FBN1: variants seen among roughly 807,000 people sequenced by gnomAD.
The protein encoded by FBN1 is fibrillin-1.
A neutral mutation model predicts 365.1 loss-of-function variants in FBN1; 29 were observed. The ratio of observed to expected loss-of-function variants is 0.08; its 90% CI spans 0.06 to 0.11. FBN1 has a LOEUF of 0.11. Among genes scored for constraint, FBN1 ranks in the 10% least tolerant of loss-of-function variants. FBN1 has a pLI of 1.00. For missense variants in FBN1, 2,476 were observed against 3,703.2 expected (o/e 0.67, Z 8.60); for synonymous variants, 1,210 against 1,270.5 (o/e 0.95, Z 1.01).
At chr15:48,456,871 T>C (rs111986443) in intron 43 of FBN1, 109 bp from the exon 44 acceptor site, 34 of 1,083,516 alleles carry the variant, frequency 3.1e-5, no homozygotes, top group African/African-American at 1.2e-4. Context: ...TGTGTGTGTG[T>C]GCGTGCATGT....
intron 6 of FBN1, among the ~76,000 whole-genome samples, chr15:48,584,257 T>C (rs528194168): frequency 2.0e-5 from 3 of 152,300 alleles, no homozygotes; most frequent in African/African-American, 7.2e-5. Flanking sequence ...TAGGAAACTG[T>C]GCCTGAGAGA....
chr15:48,634,340 T>C (rs888741178), intron 2 of FBN1, among the ~76,000 whole-genome samples: 3 of 152,240 alleles, frequency 2.0e-5, no homozygotes, highest in Non-Finnish European at 4.4e-5. Context: ...CCAAGTGTCT[T>C]TCTTTTATGT....
rs771226686 is a variant in FBN1, at chr15:48,537,775, C to A, written c.572G>T (p.Ser191Ile). Residue 191 changes from serine (S) to isoleucine (I), a missense_variant, in exon 7 of 66, where the codon AGC becomes ATC. Physicochemically the swap from Ser to Ile is moderately radical, Grantham distance 142. Transcript: ENST00000316623. ...YRTGPCFTVISNQMCQGQLSG... is the reference protein window; with the variant it reads ...YRTGPCFTVIINQMCQGQLSG... ...GAGTTGTCCCTGGCACATCTGGTTG[C>A]TGATCACAGTAAAACATGGGCCTGT... The A allele has an allele frequency of 9.9e-6, 16 of 1,614,172 alleles. No homozygotes were observed. Among genetic ancestry groups the A allele is most frequent in the Non-Finnish European group, 1.4e-5 (16 of 1,180,022 alleles).
At chr15:48,496,320 C>A in intron 19 of FBN1, 95 bp from the exon 20 acceptor site, 3 of 1,522,722 alleles carry the variant, frequency 2.0e-6, no homozygotes, top group Non-Finnish European at 2.7e-6. Flanking sequence ...GTCATAACGA[C>A]GTGATCAATT....
chr15:48,429,206 A>T (rs894196313), intron 56 of FBN1, among the ~76,000 whole-genome samples: 1 of 152,238 alleles, frequency 6.6e-6, no homozygotes, highest in Non-Finnish European at 1.5e-5. Flanking sequence ...TGTGAATATC[A>T]GCATATGAAA....
At chr15:48,435,666 A>G (rs2043059850) in intron 53 of FBN1, among the ~76,000 whole-genome samples, 1 of 145,540 alleles carries the variant, frequency 6.9e-6, no homozygotes, top group East Asian at 2.0e-4. Context: ...GAGACCTAAA[A>G]TGTGTGTGTG....
chr15:48,548,224 C>G (rs979989613), intron 6 of FBN1, among the ~76,000 whole-genome samples: 2 of 152,130 alleles, frequency 1.3e-5, no homozygotes, highest in African/African-American at 4.8e-5. Flanking sequence ...ACTAATGGGA[C>G]AATCACATGG....
At chr15:48,546,786 G>A (rs1382348889) in intron 6 of FBN1, among the ~76,000 whole-genome samples, 2 of 152,138 alleles carry the variant, frequency 1.3e-5, no homozygotes. Flanking sequence ...GCATAGAAAG[G>A]GTGGAAGGCC....
intron 6 of FBN1, among the ~76,000 whole-genome samples, chr15:48,548,689 G>A (rs778770099): frequency 2.6e-5 from 4 of 152,158 alleles, no homozygotes; most frequent in Admixed American, 6.5e-5. Flanking sequence ...AGTTAGATAC[G>A]TTCGGAAAGT....
chr15:48,600,370 G>A (rs565063791), intron 4 of FBN1, 136 bp from the exon 5 acceptor site: 12 of 714,360 alleles, frequency 1.7e-5, no homozygotes, highest in Non-Finnish European at 2.8e-5. Flanking sequence ...ACCTGATAAT[G>A]ACCTAATTGA....
chr15:48,601,597 T>C (rs919834374), intron 4 of FBN1, among the ~76,000 whole-genome samples: 7 of 152,182 alleles, frequency 4.6e-5, no homozygotes, highest in Admixed American at 3.9e-4. Flanking sequence ...TCAGAGCAAA[T>C]AGAAGATTCC....
intron 46 of FBN1, 57 bp from the exon 47 acceptor site, chr15:48,446,879 C>T (rs914111832): frequency 1.8e-5 from 21 of 1,195,686 alleles, no homozygotes; most frequent in South Asian, 2.4e-5. Flanking sequence ...AGTGGTTACA[C>T]GGTTACAGTG....
At chr15:48,547,079 C>T (rs1487196141) in intron 6 of FBN1, among the ~76,000 whole-genome samples, 1 of 152,146 alleles carries the variant, frequency 6.6e-6, no homozygotes, top group Non-Finnish European at 1.5e-5. Context: ...AATCTTAATG[C>T]TATCAAAATG....
At chr15:48,470,442 T>A (rs528100998) in intron 36 of FBN1, among the ~76,000 whole-genome samples, 192 bp downstream of exon 36, 22 of 152,322 alleles carry the variant, frequency 1.4e-4, no homozygotes, top group South Asian at 1.2e-3. Context: ...CCTTCAATTG[T>A]CTTAGACTCT....
intron 60 of FBN1, 152 bp from the exon 61 acceptor site, chr15:48,422,220 G>A (rs2042949599): frequency 2.9e-6 from 2 of 682,430 alleles, no homozygotes; most frequent in South Asian, 1.5e-5. Context: ...GAGACACAGG[G>A]GGTAAAGATC....
intron 6 of FBN1, among the ~76,000 whole-genome samples, chr15:48,585,500 T>C (rs148729656): frequency 1.1e-3 from 173 of 152,384 alleles, no homozygotes; most frequent in Admixed American, 4.1e-3. Flanking sequence ...TAAATATTGT[T>C]GTCCAGAATG....
chr15:48,461,633 A>G (rs1237188026), intron 42 of FBN1, among the ~76,000 whole-genome samples: 1 of 152,178 alleles, frequency 6.6e-6, no homozygotes. Flanking sequence ...ATTTTTTACC[A>G]ACAGGTAAGT....
chr15:48,452,177 G>T (rs1476879929), intron 45 of FBN1, among the ~76,000 whole-genome samples: 1 of 152,194 alleles, frequency 6.6e-6, no homozygotes, highest in African/African-American at 2.4e-5. Flanking sequence ...ACCTTTCTGA[G>T]AGGGATTCTG....
At chr15:48,550,689 C>T (rs953438012) in intron 6 of FBN1, among the ~76,000 whole-genome samples, 21 of 152,232 alleles carry the variant, frequency 1.4e-4, no homozygotes, top group African/African-American at 5.1e-4. Context: ...GGTGCTGTTT[C>T]TCTTCCACAC....
Sources: gnomAD v4.1 joint callset for allele counts (sites outside exome capture counted in the v4.1 genomes callset) on GRCh38, gnomAD v4.1.1 for gene constraint, MANE v1.5 for transcripts, NCBI Gene and HGNC (gene_info 2026-07-23, HGNC 2026-07-21) for gene names.